Variants in ATG16L2 observed in about 807,000 individuals in gnomAD.
ATG16L2 encodes autophagy related 16 like 2.
In ATG16L2, 77 loss-of-function variants were observed where a neutral mutation model predicts 84.7. That is an observed-to-expected ratio of 0.91 (90% CI 0.76 to 1.10). ATG16L2 has a LOEUF of 1.10. ATG16L2 is among the 50% of genes least tolerant of loss of function. The pLI, the probability that ATG16L2 is intolerant of heterozygous loss-of-function variation, is 0.00. For missense variants in ATG16L2, 782 were observed against 817.6 expected, an observed-to-expected ratio of 0.96 and a Z score of 0.53; for synonymous variants, 361 against 342.8, an observed-to-expected ratio of 1.05 and a Z score of -0.59.
chr11:72,821,812 C>T, intron 4 of ATG16L2, 71 bp downstream of exon 4: 1 of 1,499,050 alleles, frequency 6.7e-7, no homozygotes, highest in Non-Finnish European at 8.9e-7. Context: ...ATACGGGAGG[C>T]GGGGGGAATG....
chr11:72,821,845 A>C (rs969901211), intron 4 of ATG16L2, 104 bp downstream of exon 4: 1 of 1,458,662 alleles, frequency 6.9e-7, no homozygotes, highest in Non-Finnish European at 9.1e-7. Flanking sequence ...ATCTTTCCCT[A>C]CGTCCCCCCG....
Position 72,835,183 on chromosome 11 carries a change from G to A in ATG16L2, c.*21+6407G>A, listed in dbSNP as rs1860698250. ...GGTCACAGACGGAACCTCCAGTACC[G>A]AAAGCAGCTTTCACTGGCAGGGAAG... On this transcript the variant is annotated intron_variant, in intron 5 of 5. Transcript: ENST00000534905. Among the ~76,000 whole-genome samples the A allele has an allele frequency of 2.0e-5, 3 of 152,222 alleles. 1 individual carries two copies. Among genetic ancestry groups the A allele is most frequent in the Non-Finnish European group, 4.4e-5 (3 of 68,042 alleles).
At chr11:72,832,055 G>A (rs765982360), downstream of ATG16L2, among the ~76,000 whole-genome samples, 12 of 152,202 alleles carry the variant, frequency 7.9e-5, no homozygotes, top group Non-Finnish European at 1.8e-4. Flanking sequence ...TCTGGGTCCT[G>A]AGCCTGGACG....
downstream of ATG16L2, among the ~76,000 whole-genome samples, chr11:72,833,596 G>C (rs925806233): frequency 2.0e-5 from 3 of 152,110 alleles, no homozygotes; most frequent in Admixed American, 1.3e-4. Flanking sequence ...CCTGTCCCTG[G>C]GTTCATTTCT....
chr11:72,822,999 A>T lies in ATG16L2; in HGVS notation c.824+38A>T. On this transcript the variant is annotated intron_variant, in intron 7 of 17. Coordinates refer to ENST00000321297, the MANE Select transcript of ATG16L2 (RefSeq NM_033388.2). The surrounding 1 kb of genome is among the most constrained non-coding windows in gnomAD (Gnocchi z 4.2). ...GTGACAGTCTCAGAGCTCTGAGCTG[A>T]GCCCCACCCCAGAGGCTGCCAGGGT... 6.9e-7 allele frequency: 1 copy of T among 1,448,130 alleles called. No individual in the cohort carries two copies. Among genetic ancestry groups the T allele is most frequent in the Non-Finnish European group, 9.4e-7 (1 of 1,061,954 alleles). 89.7% of individuals were successfully genotyped at this position (1,448,130 alleles called of 1,614,324 possible).
At chr11:72,832,247 T>TA (rs1860621530), downstream of ATG16L2, among the ~76,000 whole-genome samples, 1 of 152,202 alleles carries the variant, frequency 6.6e-6, no homozygotes, top group Admixed American at 6.5e-5. Flanking sequence ...CAGTGAGCCC[T>TA]TCTCTCCCCC....
Position 72,839,004 on chromosome 11 carries a change from G to A in ATG16L2, c.*22-3613G>A, listed in dbSNP as rs138856854. The A allele has an allele frequency of 1.3e-4, 94 of 712,126 alleles. 1 individual carries two copies. The highest frequency in any genetic ancestry group is 5.8e-4 in the African/African-American group (33 of 56,610). 44.1% of individuals were successfully genotyped at this position (712,126 alleles called of 1,614,324 possible). On this transcript the variant is annotated intron_variant, in intron 5 of 5. Coordinates refer to the ATG16L2 transcript ENST00000534905. ...GGGGTCTCAGAAATGTTGTGAGCAC[G>A]TGCTTTCAACCTAGTCTTCACTATT...
intron 5 of ATG16L2, chr11:72,838,652 G>A: frequency 1.5e-6 from 1 of 673,480 alleles, no homozygotes; most frequent in Non-Finnish European, 2.6e-6. Context: ...AGTCTACCAG[G>A]CCACCCAGTC....
At chr11:72,842,921 C>A in exon 6 of ATG16L2, 1 of 1,091,750 alleles carries the variant, frequency 9.2e-7, no homozygotes. Context: ...GCTCACATGA[C>A]AACTAAAAGA....
chr11:72,827,211 T>C lies in ATG16L2; in HGVS notation c.1390T>C (p.Ser464Pro). 6.2e-7 allele frequency: 1 copy of C among 1,614,092 alleles called. No homozygotes were observed. The highest frequency in any genetic ancestry group is 8.5e-7 in the Non-Finnish European group (1 of 1,179,974). Reference sequence around the variant, plus strand: ...AGGCTCCAGGACCATCAATGTCCTTTCCTACTGTAATGACGTGGTGTGTGG... The same window carrying C: ...AGGCTCCAGGACCATCAATGTCCTTCCCTACTGTAATGACGTGGTGTGTGG... ...AYCSRTINVL[S>P]YCNDVVCGDH... The change falls in exon 14 of 18, where the codon TCC becomes CCC. Residue 464 changes from serine to proline, a missense_variant. Transcript: ENST00000321297.
exon 6 of ATG16L2, chr11:72,843,499 GTTCC>G: frequency 6.2e-7 from 1 of 1,613,768 alleles, no homozygotes; most frequent in Non-Finnish European, 8.5e-7. Flanking sequence ...AACACCTCAT[GTTCC>G]TCAATGGTCA....
At position 72,822,462 on chromosome 11, in the gene ATG16L2, C is replaced by A; in HGVS notation, c.645-16C>A. On this transcript the variant is annotated splice_polypyrimidine_tract_variant and intron_variant, in intron 5 of 17. Transcript: ENST00000321297. The surrounding 1 kb of genome is among the most constrained non-coding windows in gnomAD (Gnocchi z 4.2). ...GGCGCCGCGCCAGGGTCTCAGGATG[C>A]TTTTTACCCAACAAGGGCCAAGCAG... 6.2e-7 allele frequency: 1 copy of A among 1,612,852 alleles called. No homozygotes were observed. The highest frequency in any genetic ancestry group is 1.1e-5 in the South Asian group (1 of 91,014).
chr11:72,825,341 C>A lies in ATG16L2; in HGVS notation c.1036C>A (p.Pro346Thr). 6.2e-7 allele frequency: 1 copy of A among 1,613,604 alleles called. No homozygotes were observed. The highest frequency in any genetic ancestry group is 8.5e-7 in the Non-Finnish European group (1 of 1,179,968). Residue 346 changes from proline (P) to threonine (T), a missense_variant, in exon 10 of 18, where the codon CCC becomes ACC. Physicochemically the swap from Pro to Thr is conservative, Grantham distance 38. Transcript: ENST00000321297. ...TGAGGTCAATGCTGTTCGTTTTGGC[C>A]CCAACAGCAGCCTCCTGGCCACTGG... Reference protein sequence around the residue: ...LSEVNAVRFGPNSSLLATGGA... With the variant: ...LSEVNAVRFGTNSSLLATGGA...
intron 13 of ATG16L2, 133 bp from the exon 14 acceptor site, chr11:72,827,055 C>T (rs1860406869): frequency 1.2e-6 from 1 of 850,200 alleles, no homozygotes; most frequent in Non-Finnish European, 1.8e-6. Context: ...GAGCCCTGTG[C>T]TGGGAAGCGG....
At chr11:72,839,859 G>A (rs760594916) in intron 5 of ATG16L2, among the ~76,000 whole-genome samples, 12 of 152,130 alleles carry the variant, frequency 7.9e-5, no homozygotes, top group Non-Finnish European at 1.2e-4. Context: ...GAGGTCATTC[G>A]GCAAGAGTGC....
Position 72,829,296 on chromosome 11 carries a change from T to C in ATG16L2, c.1773-7T>C, listed in dbSNP as rs1591316992. ...CCCCCCTGAAGCCTGCCCCTCCCTT[T>C]CCCCAGCGCTGCCGTCAACGCCGTG... On this transcript the variant is annotated splice_polypyrimidine_tract_variant and splice_region_variant and intron_variant, in intron 17 of 17. Coordinates refer to ENST00000321297, the MANE Select transcript of ATG16L2 (RefSeq NM_033388.2). 1.2e-6 allele frequency: 2 copies of C among 1,612,180 alleles called. No homozygotes were observed. The highest frequency in any genetic ancestry group is 4.5e-5 in the East Asian group (2 of 44,832).
At chr11:72,836,104 T>C (rs1020415504) in intron 5 of ATG16L2, among the ~76,000 whole-genome samples, 4 of 152,170 alleles carry the variant, frequency 2.6e-5, no homozygotes, top group African/African-American at 9.7e-5. Flanking sequence ...ATGCACAGGA[T>C]AATGTCTGGA....
intron 3 of ATG16L2, among the ~76,000 whole-genome samples, chr11:72,819,172 G>T (rs1859841338): frequency 6.6e-6 from 1 of 152,052 alleles, no homozygotes; most frequent in Non-Finnish European, 1.5e-5. Context: ...TCCTGTGACT[G>T]CCCCCCAGTC....
chr11:72,832,256 C>A (rs7950432), downstream of ATG16L2, among the ~76,000 whole-genome samples: 151,783 of 152,320 alleles, frequency 1, 75,624 homozygotes, highest in Middle Eastern at 1. Flanking sequence ...CTTCTCTCCC[C>A]CAAAACCTTC....
Sources: allele counts gnomAD v4.1 joint callset (sites outside exome capture counted in the v4.1 genomes callset), GRCh38; gene constraint gnomAD v4.1.1; non-coding constraint Gnocchi (gnomAD v3.1); transcripts MANE v1.5; gene names NCBI Gene and HGNC (gene_info 2026-07-23, HGNC 2026-07-21).